INTS3: variants seen among roughly 807,000 people sequenced by gnomAD.
The protein encoded by INTS3 is integrator complex subunit 3.
INTS3 carries 34 observed loss-of-function variants against 146.3 expected under a neutral mutation model. That is an observed-to-expected ratio of 0.23 (90% confidence interval 0.18 to 0.31). The LOEUF is 0.31. Among genes scored for constraint, INTS3 ranks in the 10% least tolerant of loss-of-function variants. The probability of loss-of-function intolerance (pLI) is 1.00; values close to 1 mark genes in which losing one functional copy is unlikely to be tolerated. For missense variants in INTS3, 757 were observed against 1,304.2 expected, an observed-to-expected ratio of 0.58 and a Z score of 6.46; for synonymous variants, 475 against 494.9, an observed-to-expected ratio of 0.96 and a Z score of 0.53.
At position 153,769,475 on chromosome 1, in the gene INTS3, T is replaced by A. The variant is rs1040170672; in HGVS notation, c.2314-294T>A. Reference sequence around the variant, plus strand: ...TTGTCTTTACCCTGCCCAACCTACATCCAGAGCCCAGCCTCTCAGGGTCCT... The same window carrying A: ...TTGTCTTTACCCTGCCCAACCTACAACCAGAGCCCAGCCTCTCAGGGTCCT... On this transcript the variant is annotated intron_variant, in intron 22 of 29. Coordinates refer to ENST00000318967, the MANE Select transcript of INTS3 (RefSeq NM_023015.5). 1.1e-4 allele frequency among the ~76,000 whole-genome samples: 16 copies of A among 151,986 alleles called. 1 individual carries two copies. Among genetic ancestry groups the A allele is most frequent in the Admixed American group, 1.0e-3 (16 of 15,268 alleles).
intron 9 of INTS3, among the ~76,000 whole-genome samples, chr1:153,756,320 G>A (rs552029029): frequency 3.3e-5 from 5 of 151,834 alleles, no homozygotes; most frequent in South Asian, 2.1e-4. Flanking sequence ...AGCTGAGATC[G>A]TGCCACTGCA....
In INTS3 at chr1:153,769,772, C is replaced by T; in HGVS notation, c.2317C>T (p.Gln773Ter). ...IVAVIDSAQL[Q>*]ELVCHVMMGN... Reference sequence around the variant, plus strand: ...CCTCCTTCCTCCACCTCCTTAGCTCCAGGAGCTGGTCTGCCACGTGATGAT... The same window carrying T: ...CCTCCTTCCTCCACCTCCTTAGCTCTAGGAGCTGGTCTGCCACGTGATGAT... The change falls in exon 23 of 30, where the codon CAG becomes TAG. Residue 773 changes from glutamine (Q) to a stop codon, truncating the protein, a stop_gained. Transcript: ENST00000318967. LOFTEE classifies it high-confidence loss of function. The T allele has an allele frequency of 6.2e-7, 1 of 1,611,654 alleles. No individual in the cohort carries two copies. Among genetic ancestry groups the T allele is most frequent in the Non-Finnish European group, 8.5e-7 (1 of 1,177,886 alleles).
intron 9 of INTS3, among the ~76,000 whole-genome samples, chr1:153,756,191 AT>A (rs1672155143): frequency 6.6e-6 from 1 of 151,910 alleles, no homozygotes; most frequent in South Asian, 2.1e-4. Flanking sequence ...GCCGGGCAAC[AT>A]GATGAAACCG....
intron 3 of INTS3, among the ~76,000 whole-genome samples, chr1:153,742,507 T>TGTGTGTGTGTGTGTGTGC (rs1297466558): frequency 1.3e-4 from 19 of 144,952 alleles, no homozygotes; most frequent in African/African-American, 4.2e-4. Context: ...TGTGTGTGTG[T>TGTGTGTGTGTGTGTGTGC]GCGTGCGCAT....
rs536789139 is a variant in INTS3 at position 153,756,031 on chromosome 1, C to T, written c.957+1292C>T. Among the ~76,000 whole-genome samples the T allele has an allele frequency of 4.5e-4, 66 of 147,564 alleles. No homozygotes were observed. In the South Asian group the frequency reaches 0.012, roughly 28 times the overall value. On this transcript the variant is annotated intron_variant, in intron 9 of 29. Coordinates refer to ENST00000318967, the MANE Select transcript of INTS3 (RefSeq NM_023015.5). ...CTCCAGCCTGGGCAACAGAGTGAAA[C>T]GCTGTCTCAAAAAATATATATATAT...
At chr1:153,728,850 G>A in intron 1 of INTS3, 66 bp downstream of exon 1, 1 of 800,738 alleles carries the variant, frequency 1.2e-6, no homozygotes, top group Non-Finnish European at 1.9e-6. Flanking sequence ...AGCGGATACC[G>A]GGTGGGAGGA....
At chr1:153,731,793 G>A (rs982906877) in intron 1 of INTS3, among the ~76,000 whole-genome samples, 16 of 150,968 alleles carry the variant, frequency 1.1e-4, no homozygotes, top group African/African-American at 3.9e-4. Flanking sequence ...CACCATGTTA[G>A]CCAGGATGGT....
chr1:153,748,622 G>A (rs1671840781), intron 5 of INTS3, 67 bp from the exon 6 acceptor site: 1 of 1,279,790 alleles, frequency 7.8e-7, no homozygotes, highest in Non-Finnish European at 1.1e-6. Context: ...CAGAATGGGT[G>A]AAGAGATGTA....
chr1:153,734,436 A>G (rs1671211330), intron 1 of INTS3, among the ~76,000 whole-genome samples: 1 of 152,192 alleles, frequency 6.6e-6, no homozygotes, highest in South Asian at 2.1e-4. Context: ...TGTGAACAGA[A>G]AGGACTGGGC....
At chr1:153,762,375 G>GGGA (rs2101819105) in intron 14 of INTS3, among the ~76,000 whole-genome samples, 1 of 152,274 alleles carries the variant, frequency 6.6e-6, no homozygotes, top group East Asian at 1.9e-4. Context: ...ACCTGGGACG[G>GGGA]GGAGGTTGCA....
At chr1:153,748,343 A>G (rs1671830590) in intron 5 of INTS3, 1 of 316,324 alleles carries the variant, frequency 3.2e-6, no homozygotes, top group Admixed American at 4.2e-5. Context: ...TGTACTTCTC[A>G]GGCTCTATCT....
At chr1:153,745,387 C>T (rs1188008792) in intron 3 of INTS3, among the ~76,000 whole-genome samples, 1 of 151,936 alleles carries the variant, frequency 6.6e-6, no homozygotes, top group Non-Finnish European at 1.5e-5. Flanking sequence ...GAACTCCTGA[C>T]CTCAGATGAT....
chr1:153,749,842 G>A (rs1033615974), intron 6 of INTS3, among the ~76,000 whole-genome samples: 4 of 151,772 alleles, frequency 2.6e-5, no homozygotes, highest in Non-Finnish European at 4.4e-5. Context: ...TATTTTATTC[G>A]TGGTACCAAA....
At chr1:153,760,609 G>A (rs1044922498) in intron 12 of INTS3, 4 of 621,180 alleles carry the variant, frequency 6.4e-6, no homozygotes, top group African/African-American at 5.5e-5. Context: ...TCACAAGGAT[G>A]GTGACTCAAG....
At position 153,759,512 on chromosome 1, in the gene INTS3, CCT is replaced by C. The variant is rs771444419; in HGVS notation, c.1150-9_1150-8del. The stretch of plus-strand genomic sequence containing the variant: ...GATGAAACTAGCCCTCTGTTTCTCC[CCT>C]CTCTTTTCCAGTCAAATGTCGCTGC... On this transcript the variant is annotated splice_polypyrimidine_tract_variant and intron_variant, in intron 10 of 29. Transcript: ENST00000318967. 8.2e-6 allele frequency: 13 copies of C among 1,585,424 alleles called. No individual in the cohort carries two copies. Among genetic ancestry groups the C allele is most frequent in the South Asian group, 1.1e-5 (1 of 90,490 alleles).
intron 21 of INTS3, 114 bp from the exon 22 acceptor site, chr1:153,768,779 C>A: frequency 2.6e-6 from 2 of 770,694 alleles, no homozygotes; most frequent in Non-Finnish European, 4.5e-6. Context: ...TATTTTAGGG[C>A]CTGTGTCTGG....
intron 13 of INTS3, 85 bp downstream of exon 13, chr1:153,761,003 G>A (rs760187910): frequency 7.6e-6 from 12 of 1,569,748 alleles, no homozygotes; most frequent in African/African-American, 5.4e-5. Context: ...AGCACTGCTG[G>A]CCCTTTTCTC....
chr1:153,748,578 T>C, intron 5 of INTS3, 111 bp from the exon 6 acceptor site: 3 of 842,192 alleles, frequency 3.6e-6, no homozygotes, highest in Admixed American at 1.7e-5. Flanking sequence ...AGTGAAGGGA[T>C]GGCAGTAATG....
intron 6 of INTS3, among the ~76,000 whole-genome samples, chr1:153,750,180 T>G (rs1183270716): frequency 6.6e-6 from 1 of 152,224 alleles, no homozygotes; most frequent in Non-Finnish European, 1.5e-5. Context: ...TGTGGCCTGC[T>G]TGGACTAATT....
Sources: allele counts gnomAD v4.1 joint callset (sites outside exome capture counted in the v4.1 genomes callset), GRCh38; gene constraint gnomAD v4.1.1; transcripts MANE v1.5; gene names NCBI Gene and HGNC (gene_info 2026-07-23, HGNC 2026-07-21).